PTPRD: variants seen among roughly 807,000 people sequenced by gnomAD.
The protein encoded by PTPRD is protein tyrosine phosphatase receptor type D, also known as receptor-type tyrosine-protein phosphatase delta.
A neutral mutation model predicts 214.5 loss-of-function variants in PTPRD; 34 were observed. The ratio of observed to expected loss-of-function variants is 0.16; its 90% CI spans 0.12 to 0.21. The LOEUF (loss-of-function observed/expected upper bound fraction) is 0.21. Among genes scored for constraint, PTPRD ranks in the 10% least tolerant of loss-of-function variants. PTPRD has a pLI of 1.00. For missense variants in PTPRD, 2,545 were observed against 2,398.7 expected (o/e 1.06, Z -1.27); for synonymous variants, 1,128 against 845.7 (o/e 1.33, Z -5.79).
chr9:10,004,136 G>C (rs1392248085), intron 4 of PTPRD, among the ~76,000 whole-genome samples: 1 of 151,584 alleles, frequency 6.6e-6, no homozygotes, highest in Non-Finnish European at 1.5e-5. Flanking sequence ...GAAATATATA[G>C]CCCCTGACAT....
chr9:8,699,919 A>G (rs898586592), intron 12 of PTPRD, among the ~76,000 whole-genome samples: 1 of 152,308 alleles, frequency 6.6e-6, no homozygotes, highest in South Asian at 2.1e-4. Context: ...GTAGGCCCTG[A>G]TTGATTTAAC....
intron 9 of PTPRD, among the ~76,000 whole-genome samples, chr9:9,265,255 A>G (rs1396151787): frequency 6.6e-6 from 1 of 151,562 alleles, no homozygotes; most frequent in East Asian, 2.0e-4. Context: ...CAATTTATTG[A>G]CTTGTGTTTA....
intron 2 of PTPRD, among the ~76,000 whole-genome samples, chr9:10,514,701 T>C (rs1482887450): frequency 1.3e-5 from 2 of 151,958 alleles, no homozygotes; most frequent in Admixed American, 1.3e-4. Context: ...AACAAACATA[T>C]TCTTTATTGT....
At chr9:9,517,943 C>T (rs1039546588) in intron 8 of PTPRD, among the ~76,000 whole-genome samples, 1 of 151,326 alleles carries the variant, frequency 6.6e-6, no homozygotes, top group Non-Finnish European at 1.5e-5. Flanking sequence ...CAGAAATATA[C>T]TTTAAAAGTT....
At chr9:9,964,283 G>T (rs2094545682) in intron 4 of PTPRD, among the ~76,000 whole-genome samples, 1 of 152,208 alleles carries the variant, frequency 6.6e-6, no homozygotes, top group Non-Finnish European at 1.5e-5. Context: ...AAGAAAGAAT[G>T]TAATAGCAGG....
chr9:9,652,993 T>C (rs1308426668), intron 7 of PTPRD, among the ~76,000 whole-genome samples: 1 of 152,106 alleles, frequency 6.6e-6, no homozygotes, highest in African/African-American at 2.4e-5. Flanking sequence ...TTATGGGAAA[T>C]GTTCAATATG....
At chr9:9,824,896 C>T (rs2052161613) in intron 5 of PTPRD, among the ~76,000 whole-genome samples, 1 of 151,940 alleles carries the variant, frequency 6.6e-6, no homozygotes, top group Non-Finnish European at 1.5e-5. Flanking sequence ...CCAGATAAAA[C>T]TGTGAATTAA....
chr9:9,678,329 C>T (rs1260530602), intron 7 of PTPRD, among the ~76,000 whole-genome samples: 1 of 151,952 alleles, frequency 6.6e-6, no homozygotes, highest in Non-Finnish European at 1.5e-5. Context: ...TACTACAAGG[C>T]TACAGTAACC....
intron 14 of PTPRD, among the ~76,000 whole-genome samples, chr9:8,546,222 T>A (rs1308342725): frequency 1.3e-5 from 2 of 152,156 alleles, no homozygotes; most frequent in African/African-American, 4.8e-5. Flanking sequence ...ATATAAAAAC[T>A]GATTTTGGTT....
At chr9:8,467,334 CTTG>C (rs919617197) in intron 31 of PTPRD, among the ~76,000 whole-genome samples, 2 of 151,808 alleles carry the variant, frequency 1.3e-5, no homozygotes, top group Admixed American at 1.3e-4. Context: ...ATCTTTTAAT[CTTG>C]TTGTCAAATT....
At chr9:10,366,079 A>C (rs1211165263) in intron 2 of PTPRD, among the ~76,000 whole-genome samples, 2 of 152,130 alleles carry the variant, frequency 1.3e-5, no homozygotes, top group African/African-American at 4.8e-5. Flanking sequence ...GTGCTAAAAA[A>C]CACTGTCACT....
At chr9:9,460,742 C>T (rs899398545) in intron 8 of PTPRD, among the ~76,000 whole-genome samples, 1 of 152,004 alleles carries the variant, frequency 6.6e-6, no homozygotes, top group African/African-American at 2.4e-5. Flanking sequence ...ATTAGTTCAA[C>T]CCCCTATGGA....
intron 5 of PTPRD, among the ~76,000 whole-genome samples, chr9:9,779,073 A>G: frequency 8.4e-6 from 1 of 118,392 alleles, no homozygotes; most frequent in African/African-American, 3.2e-5. Flanking sequence ...CTTTCATAAG[A>G]CTGACAAAAA....
rs73426345 is a variant in PTPRD at position 8,480,071 on chromosome 9, A to C, written c.3413+4048T>G. On this transcript the variant is annotated intron_variant, in intron 30 of 45. Coordinates refer to ENST00000381196, the MANE Select transcript of PTPRD (RefSeq NM_002839.4). ...TTTTCTGAATCTATTCTCTTACTAT[A>C]AGGTAGGACTTAATCTCAGTCATCT... 1.8e-3 allele frequency among the ~76,000 whole-genome samples: 278 copies of C among 152,272 alleles called. 1 individual carries two copies. The highest frequency in any genetic ancestry group is 6.5e-3 in the African/African-American group (269 of 41,544).
chr9:9,729,167 T>C (rs537810734), intron 7 of PTPRD, among the ~76,000 whole-genome samples: 3 of 152,278 alleles, frequency 2.0e-5, no homozygotes, highest in South Asian at 2.1e-4. Context: ...AAAAATAAAA[T>C]GCAACTCAGT....
intron 14 of PTPRD, among the ~76,000 whole-genome samples, chr9:8,616,393 T>G (rs1220879983): frequency 6.6e-6 from 1 of 152,118 alleles, no homozygotes; most frequent in Middle Eastern, 3.2e-3. Context: ...CACTAAATAT[T>G]TAACACCTTG....
chr9:8,863,499 A>G (rs1290942776), intron 11 of PTPRD, among the ~76,000 whole-genome samples: 1 of 152,228 alleles, frequency 6.6e-6, no homozygotes, highest in Non-Finnish European at 1.5e-5. Context: ...ATTTATAATT[A>G]ATATATGACA....
At chr9:9,085,295 T>G (rs1569535342) in intron 10 of PTPRD, among the ~76,000 whole-genome samples, 1 of 152,220 alleles carries the variant, frequency 6.6e-6, no homozygotes, top group Non-Finnish European at 1.5e-5. Context: ...ATAAATATTC[T>G]ACTTTTACCA....
intron 10 of PTPRD, among the ~76,000 whole-genome samples, chr9:9,027,917 C>T (rs1301216210): frequency 6.6e-6 from 1 of 151,764 alleles, no homozygotes; most frequent in Non-Finnish European, 1.5e-5. Flanking sequence ...TAAAAGAATC[C>T]CCTGTGATGA....
Sources: allele counts gnomAD v4.1 joint callset (sites outside exome capture counted in the v4.1 genomes callset), GRCh38; gene constraint gnomAD v4.1.1; transcripts MANE v1.5; gene names NCBI Gene and HGNC (gene_info 2026-07-23, HGNC 2026-07-21).